The following SYAP1 variants were observed in gnomAD, a reference collection of about 807,000 sequenced individuals.
SYAP1 encodes synapse-associated protein 1.
A neutral mutation model predicts 29.6 loss-of-function variants in SYAP1; 3 were observed. The ratio of observed to expected loss-of-function variants is 0.10; its 90% confidence interval spans 0.05 to 0.26. The LOEUF is 0.26. SYAP1 is among the 10% of genes least tolerant of loss of function. The pLI is 1.00. For missense variants in SYAP1, 217 were observed against 264.1 expected, an observed-to-expected ratio of 0.82 and a Z score of 1.24; for synonymous variants, 102 against 102.7, an observed-to-expected ratio of 0.99 and a Z score of 0.04.
intron 3 of SYAP1, among the ~76,000 whole-genome samples, chrX:16,740,890 C>G (rs1926443939): frequency 9.0e-6 from 1 of 111,612 alleles, no homozygotes; most frequent in Admixed American, 9.7e-5. Flanking sequence ...TGTCATGTCT[C>G]TCAGCCTTCT....
chrX:16,758,368 G>A (rs1926899042), intron 8 of SYAP1, among the ~76,000 whole-genome samples: 1 of 105,079 alleles, frequency 9.5e-6, no homozygotes, highest in African/African-American at 3.5e-5. Context: ...TTTTTTTTGA[G>A]ATGGAGTCTC....
intron 5 of SYAP1, among the ~76,000 whole-genome samples, chrX:16,751,975 CTTTTTTTTTTTTTTTT>C (rs773120810): frequency 1.8e-5 from 1 of 56,669 alleles, no homozygotes; most frequent in Non-Finnish European, 3.0e-5. Flanking sequence ...TGCACCCGGC[CTTTTTTTTTTTTTTTT>C]TTTTTTTTGA....
chrX:16,732,406 G>A lies in SYAP1; in HGVS notation c.176-2821G>A, dbSNP rs545462726. On this transcript the variant is annotated intron_variant, in intron 1 of 8. Transcript: ENST00000380155. ...CTTTTTTTTTTTTTTTTTTTGAGAC[G>A]GAGTCTCGCTCTGTCACCCAGGCGC... Among the ~76,000 whole-genome samples the A allele has an allele frequency of 8.2e-5, 8 of 97,069 alleles. No individual in the cohort carries two copies. The South Asian group carries it at 4.0e-3, about 48-fold the overall frequency. The allele number at this position is 97,069 out of a possible 115,157, so 84.3% of individuals were successfully genotyped here.
intron 5 of SYAP1, among the ~76,000 whole-genome samples, chrX:16,745,376 G>A (rs981085556): frequency 8.9e-6 from 1 of 111,803 alleles, no homozygotes; most frequent in African/African-American, 3.2e-5. Flanking sequence ...GGGAGGCCCA[G>A]GGGCTCTCTG....
chrX:16,727,620 G>A (rs1926110868), intron 1 of SYAP1, among the ~76,000 whole-genome samples: 1 of 112,725 alleles, frequency 8.9e-6, no homozygotes, highest in African/African-American at 3.2e-5. Context: ...TGGGATTACA[G>A]AAGTGAGCCA....
intron 1 of SYAP1, among the ~76,000 whole-genome samples, chrX:16,721,828 C>G (rs1925969848): frequency 9.0e-6 from 1 of 111,395 alleles, no homozygotes; most frequent in Admixed American, 9.6e-5. Context: ...AGCCACCGTG[C>G]CTGGCCCCTC....
rs996756284 is a variant in SYAP1 at position 16,737,476 on chromosome X, A to G, written c.361+1244A>G. 2.7e-5 allele frequency among the ~76,000 whole-genome samples: 3 copies of G among 112,137 alleles called. No homozygotes were observed. The Admixed American group carries it at 2.9e-4, about 11-fold the overall frequency. On this transcript the variant is annotated intron_variant, in intron 3 of 8. Coordinates refer to ENST00000380155, the MANE Select transcript of SYAP1 (RefSeq NM_032796.4). ...ATCAGGCATTCTTGCACCTAGGTAA[A>G]CTCAAAAGCATGAGCAACTCTTTTA... is the stretch of plus-strand genomic sequence containing the variant.
intron 5 of SYAP1, among the ~76,000 whole-genome samples, chrX:16,750,902 C>T (rs1306724354): frequency 9.3e-6 from 1 of 107,656 alleles, no homozygotes; most frequent in Non-Finnish European, 1.9e-5. Context: ...CAGGTAGCTG[C>T]GATTACAGGT....
chrX:16,746,970 A>C (rs946338541), intron 5 of SYAP1, among the ~76,000 whole-genome samples: 1 of 112,058 alleles, frequency 8.9e-6, no homozygotes, highest in Non-Finnish European at 1.9e-5. Context: ...TTTTTATTTT[A>C]AAAAGTATTA....
chrX:16,724,448 G>A (rs1468857138), intron 1 of SYAP1, among the ~76,000 whole-genome samples: 2 of 112,046 alleles, frequency 1.8e-5, no homozygotes, highest in African/African-American at 6.5e-5. Flanking sequence ...CGAAATCTAA[G>A]TTCCCGGACA....
At chrX:16,737,132 A>G (rs1926348003) in intron 3 of SYAP1, among the ~76,000 whole-genome samples, 1 of 111,682 alleles carries the variant, frequency 9.0e-6, no homozygotes, top group South Asian at 3.7e-4. Flanking sequence ...TAATCCCAAC[A>G]CTTTGGCAGG....
At chrX:16,752,129 A>T in intron 5 of SYAP1, among the ~76,000 whole-genome samples, 1 of 106,546 alleles carries the variant, frequency 9.4e-6, no homozygotes. Context: ...ACTGGCACAT[A>T]CCACCACATC....
At position 16,719,886 on chromosome X, in the gene SYAP1, C is replaced by G. The variant is rs1399768622; in HGVS notation, c.162C>G (p.Ala54=). ...GAGACCAGGAGCTCCTCCACCAGGC[C>G]AAAGACTTCGGCAGTGAGTCTACCC... ...QAGDQELLHQ[A]KDFGNYLFNF... is the part of the protein sequence containing the mutation. Residue 54 remains alanine (A), a synonymous_variant, in exon 1 of 9, where the codon GCC becomes GCG. Coordinates refer to ENST00000380155, the MANE Select transcript of SYAP1 (RefSeq NM_032796.4). 8 of 1,186,228 alleles carry G rather than the reference C, an allele frequency of 6.7e-6. No homozygotes were observed. The highest frequency in any genetic ancestry group is 9.1e-6 in the Non-Finnish European group (8 of 883,049).
intron 5 of SYAP1, among the ~76,000 whole-genome samples, chrX:16,747,158 A>G (rs1926628108): frequency 9.0e-6 from 1 of 111,146 alleles, no homozygotes; most frequent in South Asian, 3.8e-4. Flanking sequence ...TGTGTTGCGC[A>G]GGCTGGTTTT....
intron 1 of SYAP1, 84 bp downstream of exon 1, chrX:16,719,983 TG>T (rs1438884658): frequency 9.2e-6 from 9 of 982,497 alleles, no homozygotes; most frequent in Non-Finnish European, 1.2e-5. Flanking sequence ...CCCGACTGGC[TG>T]GGGGATGAGG....
chrX:16,734,718 A>G (rs1328330923), intron 1 of SYAP1, among the ~76,000 whole-genome samples: 2 of 110,625 alleles, frequency 1.8e-5, no homozygotes, highest in Non-Finnish European at 3.8e-5. Flanking sequence ...GAATGAGGCC[A>G]GGCCCGGTGG....
At chrX:16,738,343 AG>A (rs1380427778) in intron 3 of SYAP1, among the ~76,000 whole-genome samples, 1 of 111,843 alleles carries the variant, frequency 8.9e-6, no homozygotes, top group African/African-American at 3.3e-5. Flanking sequence ...TGAACCTGGG[AG>A]GTGGAGGTTG....
At position 16,755,011 on chromosome X, in the gene SYAP1, G is replaced by C. The variant is rs1428415244; in HGVS notation, c.642G>C (p.Gln214His). ...TCTCCCTGATTAAGCAGTCAGCCCAGCTCACGGCCCTGGCTGCCCAACAGC... is the reference window on the plus strand; with the variant it reads ...TCTCCCTGATTAAGCAGTCAGCCCACCTCACGGCCCTGGCTGCCCAACAGC... ...YRVSLIKQSA[Q>H]LTALAAQQQA... Residue 214 changes from glutamine to histidine, a missense_variant, in exon 6 of 9, where the codon CAG (glutamine) becomes CAC (histidine). By Grantham distance (24) the Gln-to-His change is conservative. Transcript: ENST00000380155. 3 of 1,209,731 alleles carry C rather than the reference G, an allele frequency of 2.5e-6. No homozygotes were observed. The highest frequency in any genetic ancestry group is 4.4e-5 in the Admixed American group (2 of 45,678).
At chrX:16,729,934 C>G (rs1019942749) in intron 1 of SYAP1, among the ~76,000 whole-genome samples, 7 of 112,289 alleles carry the variant, frequency 6.2e-5, no homozygotes, top group Non-Finnish European at 1.1e-4. Flanking sequence ...TTAAAACAAT[C>G]CTTTAACCTT....
Sources: gnomAD v4.1 joint callset for allele counts (sites outside exome capture counted in the v4.1 genomes callset) on GRCh38, gnomAD v4.1.1 for gene constraint, MANE v1.5 for transcripts, NCBI Gene and HGNC (gene_info 2026-07-23, HGNC 2026-07-21) for gene names.